The following MYH16 variants were observed in gnomAD, a reference collection of about 807,000 sequenced individuals.
The protein encoded by MYH16 is putative uncharacterized protein MYH16.
intron 2 of MYH16, among the ~76,000 whole-genome samples, chr7:99,243,999 A>G (rs112302077): frequency 0.019 from 2,941 of 152,276 alleles, 107 homozygotes; most frequent in African/African-American, 0.068. Context: ...CCATCCATCC[A>G]TCCAAACATC....
chr7:99,303,788 C>A (rs1355528348), intron 39 of MYH16, among the ~76,000 whole-genome samples: 1 of 152,166 alleles, frequency 6.6e-6, no homozygotes, highest in Non-Finnish European at 1.5e-5. Context: ...GGCGACAGAA[C>A]AAGACCCTGT....
intron 20 of MYH16, among the ~76,000 whole-genome samples, chr7:99,275,834 C>A (rs1294220816): frequency 6.6e-6 from 1 of 152,366 alleles, no homozygotes; most frequent in African/African-American, 2.4e-5. Context: ...CGGATTCAAG[C>A]GATTCTCCTG....
At chr7:99,241,994 G>A (rs1791672818) in intron 1 of MYH16, among the ~76,000 whole-genome samples, 1 of 152,038 alleles carries the variant, frequency 6.6e-6, no homozygotes, top group South Asian at 2.1e-4. Context: ...CCAAGTAGCT[G>A]GGGTTACAAG....
At chr7:99,239,057 C>T (rs957120398) in intron 1 of MYH16, 1 of 152,656 alleles carries the variant, frequency 6.6e-6, no homozygotes, top group African/African-American at 2.4e-5. Context: ...GGCACGATCT[C>T]CAGGATGAAA....
At chr7:99,247,052 A>G (rs1791741091) in intron 2 of MYH16, among the ~76,000 whole-genome samples, 1 of 152,206 alleles carries the variant, frequency 6.6e-6, no homozygotes, top group African/African-American at 2.4e-5. Context: ...TAAGTTGAGG[A>G]GTGTCTGTAA....
intron 8 of MYH16, chr7:99,254,240 C>T (rs148819584): frequency 3.9e-5 from 6 of 152,168 alleles, no homozygotes; most frequent in African/African-American, 1.4e-4. Context: ...CAGAACAAGA[C>T]TCTGTCTGAA....
At chr7:99,251,212 C>G in intron 6 of MYH16, 1 of 201,230 alleles carries the variant, frequency 5.0e-6, no homozygotes, top group Non-Finnish European at 1.1e-5. Context: ...ACATGAGAGG[C>G]CCCCTGGCTG....
chr7:99,263,693 T>C (rs1791961308), intron 14 of MYH16, among the ~76,000 whole-genome samples: 1 of 152,150 alleles, frequency 6.6e-6, no homozygotes, highest in African/African-American at 2.4e-5. Flanking sequence ...ATTGAACTGA[T>C]TGCTGGGCAC....
chr7:99,270,471 G>C (rs1374348013), intron 18 of MYH16, among the ~76,000 whole-genome samples: 2 of 151,456 alleles, frequency 1.3e-5, no homozygotes, highest in Admixed American at 1.3e-4. Flanking sequence ...ACAGGCGCCC[G>C]CCACCACGCC....
intron 31 of MYH16, among the ~76,000 whole-genome samples, 169 bp downstream of exon 12, chr7:99,291,619 C>CCA (rs1792379238): frequency 8.3e-6 from 1 of 120,564 alleles, no homozygotes; most frequent in Middle Eastern, 3.8e-3. Flanking sequence ...ACAGCAAGAC[C>CCA]CCCCCCCACC....
chr7:99,257,593 A>G (rs901077989), intron 10 of MYH16, among the ~76,000 whole-genome samples: 1 of 152,224 alleles, frequency 6.6e-6, no homozygotes, highest in African/African-American at 2.4e-5. Flanking sequence ...GAAAGGCACA[A>G]TTGAGTCAAG....
At chr7:99,284,055 G>A in intron 25 of MYH16, 37 bp downstream of exon 7, 1 of 420,536 alleles carries the variant, frequency 2.4e-6, no homozygotes, top group Non-Finnish European at 4.8e-6. Context: ...CCATCACAAT[G>A]GTAGCAATAG....
intron 41 of MYH16, among the ~76,000 whole-genome samples, 152 bp from the exon 23 acceptor site, chr7:99,306,457 G>A (rs1792681935): frequency 6.6e-6 from 1 of 152,124 alleles, no homozygotes; most frequent in Non-Finnish European, 1.5e-5. Flanking sequence ...AACCTAGGAG[G>A]TGGAGGTTGC....
intron 36 of MYH16, among the ~76,000 whole-genome samples, chr7:99,298,798 G>A (rs1053582301): frequency 1.4e-5 from 2 of 146,886 alleles, no homozygotes. Flanking sequence ...TTAAGTTTTA[G>A]AGTACATGTG....
At chr7:99,292,003 T>C (rs746056616) in intron 31 of MYH16, among the ~76,000 whole-genome samples, 3 of 152,038 alleles carry the variant, frequency 2.0e-5, no homozygotes, top group Non-Finnish European at 4.4e-5. Context: ...CTAAAGAAAG[T>C]TACAGATTAT....
intron 18 of MYH16, among the ~76,000 whole-genome samples, chr7:99,269,734 G>T (rs887467907): frequency 6.6e-5 from 10 of 152,118 alleles, no homozygotes; most frequent in Non-Finnish European, 2.9e-5. Context: ...CATCCTCATT[G>T]GTACGTGACA....
chr7:99,269,446 T>G (rs1334533026), intron 18 of MYH16, among the ~76,000 whole-genome samples: 2 of 152,062 alleles, frequency 1.3e-5, no homozygotes, highest in Non-Finnish European at 2.9e-5. Context: ...TGGCTAATTT[T>G]TGTATTTTTT....
chr7:99,284,222 G>A (rs1312491199), intron 25 of MYH16, among the ~76,000 whole-genome samples: 2 of 152,144 alleles, frequency 1.3e-5, no homozygotes, highest in African/African-American at 4.8e-5. Context: ...AATACCTGGT[G>A]GGCACTGGGG....
At chr7:99,239,304 G>A (rs1324309436) in intron 1 of MYH16, among the ~76,000 whole-genome samples, 1 of 152,232 alleles carries the variant, frequency 6.6e-6, no homozygotes, top group Non-Finnish European at 1.5e-5. Context: ...GTGCGTAAGG[G>A]ATGATCGTGA....
Sources: gnomAD v4.1 joint callset for allele counts (sites outside exome capture counted in the v4.1 genomes callset) on GRCh38, gnomAD v4.1.1 for gene constraint, MANE v1.5 for transcripts, NCBI Gene and HGNC (gene_info 2026-07-23, HGNC 2026-07-21) for gene names.